ZCCHC7: variants seen among roughly 807,000 people sequenced by gnomAD.
ZCCHC7 encodes zinc finger CCHC domain-containing protein 7.
A neutral mutation model predicts 52.0 loss-of-function variants in ZCCHC7; 35 were observed. The observed-to-expected ratio is 0.67, with a 90% CI of 0.51 to 0.89. The LOEUF (loss-of-function observed/expected upper bound fraction) is 0.89, where lower values mean the gene tolerates loss of function less well. ZCCHC7 is among the 40% of genes least tolerant of loss of function. ZCCHC7 has a pLI of 0.00. For synonymous variants in ZCCHC7, 217 were observed against 221.5 expected, an observed-to-expected ratio of 0.98 and a Z score of 0.18; for missense variants, 574 against 649.1, an observed-to-expected ratio of 0.88 and a Z score of 1.26.
At chr9:37,157,291 G>A (rs971731247) in intron 2 of ZCCHC7, among the ~76,000 whole-genome samples, 1 of 151,572 alleles carries the variant, frequency 6.6e-6, no homozygotes, top group Admixed American at 6.6e-5. Flanking sequence ...GAGCCCAGGC[G>A]TTTGAAACTA....
At chr9:37,128,546 TAGAA>T (rs1204728212) in intron 2 of ZCCHC7, among the ~76,000 whole-genome samples, 1 of 152,184 alleles carries the variant, frequency 6.6e-6, no homozygotes, top group East Asian at 1.9e-4. Flanking sequence ...AAATGCATAT[TAGAA>T]AGAAGCTACT....
In ZCCHC7 at chr9:37,352,579, C is replaced by T. The variant is rs538490898; in HGVS notation, c.1084-2131C>T. On this transcript the variant is annotated intron_variant, in intron 7 of 8. Coordinates refer to ENST00000336755, the MANE Select transcript of ZCCHC7 (RefSeq NM_032226.3). ...TGTTGCCCAGGCTGGAGTGCAGTGG[C>T]GCAGTCTTGGCTCACTGCAACCTCC... Among the ~76,000 whole-genome samples, 48 of 130,204 alleles carry T rather than the reference C, an allele frequency of 3.7e-4. No homozygotes were observed. In the East Asian group the frequency reaches 8.8e-3, roughly 24 times the overall value. 85.4% of individuals were successfully genotyped at this position (130,204 alleles called of 152,430 possible). A position where few individuals can be genotyped will look rare whatever the true frequency, so the allele number is the denominator to read the frequency against.
intron 2 of ZCCHC7, among the ~76,000 whole-genome samples, chr9:37,220,758 T>A (rs1824768627): frequency 6.6e-6 from 1 of 152,076 alleles, no homozygotes. Flanking sequence ...TGGGCAGGGA[T>A]AATGAAGTGA....
intron 2 of ZCCHC7, among the ~76,000 whole-genome samples, chr9:37,250,199 T>C (rs985446359): frequency 1.3e-5 from 2 of 152,154 alleles, no homozygotes; most frequent in Admixed American, 1.3e-4. Context: ...ATGTGGCCTC[T>C]CTCCTGGGAT....
At chr9:37,274,989 T>G (rs1827614545) in intron 2 of ZCCHC7, among the ~76,000 whole-genome samples, 1 of 152,240 alleles carries the variant, frequency 6.6e-6, no homozygotes, top group African/African-American at 2.4e-5. Context: ...TGACTGTTCA[T>G]GTACTTAGAT....
chr9:37,211,096 A>G (rs1030875137), intron 2 of ZCCHC7, among the ~76,000 whole-genome samples: 2 of 152,228 alleles, frequency 1.3e-5, no homozygotes, highest in African/African-American at 4.8e-5. Flanking sequence ...ACAGTTTTAA[A>G]CATTTTATTT....
intron 2 of ZCCHC7, among the ~76,000 whole-genome samples, chr9:37,290,197 T>G (rs984533739): frequency 1.3e-5 from 2 of 152,208 alleles, no homozygotes; most frequent in Non-Finnish European, 2.9e-5. Flanking sequence ...TCTAGAATAG[T>G]GCTTGCAAAT....
intron 2 of ZCCHC7, among the ~76,000 whole-genome samples, chr9:37,157,914 G>C (rs1265219559): frequency 7.2e-5 from 11 of 152,336 alleles, no homozygotes; most frequent in South Asian, 4.1e-4. Context: ...TAGAACTACT[G>C]TCTGATCCAG....
chr9:37,257,175 G>T (rs539521767), intron 2 of ZCCHC7, among the ~76,000 whole-genome samples: 1 of 152,156 alleles, frequency 6.6e-6, no homozygotes, highest in African/African-American at 2.4e-5. Context: ...TCAATATGGC[G>T]GGTAGAGGCT....
At chr9:37,261,191 CAT>C (rs1318784047) in intron 2 of ZCCHC7, among the ~76,000 whole-genome samples, 3 of 152,124 alleles carry the variant, frequency 2.0e-5, no homozygotes, top group African/African-American at 4.8e-5. Context: ...AAAAATGTCT[CAT>C]AGCCTCATTT....
intron 2 of ZCCHC7, among the ~76,000 whole-genome samples, chr9:37,202,760 G>A (rs1823703684): frequency 6.6e-6 from 1 of 152,332 alleles, no homozygotes; most frequent in African/African-American, 2.4e-5. Context: ...GGGATTATAG[G>A]CGTAAGCCAT....
chr9:37,181,847 T>C (rs1822371694), intron 2 of ZCCHC7, among the ~76,000 whole-genome samples: 2 of 152,192 alleles, frequency 1.3e-5, no homozygotes, highest in South Asian at 4.1e-4. Flanking sequence ...TCTTTATTTT[T>C]ATAAATTTTT....
At chr9:37,334,099 C>T (rs1427580440) in intron 6 of ZCCHC7, 6 of 151,920 alleles carry the variant, frequency 3.9e-5, no homozygotes, top group South Asian at 2.1e-4. Context: ...TGTCGTGTTA[C>T]GTACACATAA....
At chr9:37,184,225 G>A (rs1157073774) in intron 2 of ZCCHC7, among the ~76,000 whole-genome samples, 1 of 152,078 alleles carries the variant, frequency 6.6e-6, no homozygotes, top group Non-Finnish European at 1.5e-5. Flanking sequence ...ATGGAGCAAC[G>A]TAATATGTGT....
Position 37,318,376 on chromosome 9 carries a change from G to A in ZCCHC7, c.952-9423G>A, listed in dbSNP as rs563682166. Reference sequence around the variant, plus strand: ...CTTGGGAGGCTGAGGCAGGAGAATCGCTTGAAACTGGGAGGCAGAGGTTGC... The same window carrying A: ...CTTGGGAGGCTGAGGCAGGAGAATCACTTGAAACTGGGAGGCAGAGGTTGC... On this transcript the variant is annotated intron_variant, in intron 5 of 8. Transcript: ENST00000336755. Among the ~76,000 whole-genome samples the A allele has an allele frequency of 5.3e-5, 8 of 150,622 alleles. No individual in the cohort carries two copies. In the South Asian group the frequency reaches 1.1e-3, roughly 20 times the overall value.
At chr9:37,267,213 G>C (rs572286126) in intron 2 of ZCCHC7, among the ~76,000 whole-genome samples, 1 of 152,226 alleles carries the variant, frequency 6.6e-6, no homozygotes, top group East Asian at 1.9e-4. Context: ...TTGATCCTTA[G>C]AGACAGAACT....
intron 2 of ZCCHC7, among the ~76,000 whole-genome samples, chr9:37,272,491 TA>T (rs551495038): frequency 0.18 from 18,092 of 97,918 alleles, 1,194 homozygotes; most frequent in African/African-American, 0.28. Flanking sequence ...AGCTGTGTGG[TA>T]AAAAAAAAAA....
chr9:37,192,646 A>G (rs1440071169), intron 2 of ZCCHC7, among the ~76,000 whole-genome samples: 1 of 152,200 alleles, frequency 6.6e-6, no homozygotes, highest in African/African-American at 2.4e-5. Flanking sequence ...CACCTATGGA[A>G]AAGTCTAGAT....
chr9:37,308,304 G>C (rs1829427846), intron 5 of ZCCHC7, among the ~76,000 whole-genome samples: 1 of 151,586 alleles, frequency 6.6e-6, no homozygotes, highest in Non-Finnish European at 1.5e-5. Flanking sequence ...AATTTTCTTA[G>C]CAAGATTTTC....
Sources: allele counts gnomAD v4.1 joint callset (sites outside exome capture counted in the v4.1 genomes callset), GRCh38; gene constraint gnomAD v4.1.1; transcripts MANE v1.5; gene names NCBI Gene and HGNC (gene_info 2026-07-23, HGNC 2026-07-21).